The following LRRC4C variants were observed in gnomAD, a reference collection of about 807,000 sequenced individuals.
The protein encoded by LRRC4C is leucine-rich repeat-containing protein 4C.
LRRC4C carries 5 observed loss-of-function variants against 33.6 expected under a neutral mutation model. That is an observed-to-expected ratio of 0.15 (90% CI 0.08 to 0.31). The LOEUF (loss-of-function observed/expected upper bound fraction) is 0.31. LRRC4C is among the 10% of genes least tolerant of loss of function. The pLI is 1.00. For synonymous variants in LRRC4C, 329 were observed against 302.0 expected, an observed-to-expected ratio of 1.09 and a Z score of -0.93; for missense variants, 560 against 796.7, an observed-to-expected ratio of 0.70 and a Z score of 3.58.
In LRRC4C at chr11:40,115,873, C is replaced by A. The variant is rs142752772; in HGVS notation, c.420G>T (p.Pro140=). The A allele has an allele frequency of 6.2e-7, 1 of 1,614,102 alleles. No individual in the cohort carries two copies. Among genetic ancestry groups the A allele is most frequent in the East Asian group, 2.2e-5 (1 of 44,860 alleles). The part of the protein sequence containing the change: ...ELFDNRLTTI[P]NGAFVYLSKL... ...TAGACAAGTATACAAAAGCTCCATT[C>A]GGGATGGTAGTAAGACGATTGTCAA... Residue 140 remains proline (P), a synonymous_variant, in exon 7 of 7, where the codon CCG becomes CCT. Coordinates refer to ENST00000528697, the MANE Select transcript of LRRC4C (RefSeq NM_001258419.2). This position sits in a 1 kb window ranked among gnomAD's most constrained non-coding sequence, Gnocchi z 6.7.
At chr11:41,407,952 T>C (rs1233546041) in intron 1 of LRRC4C, among the ~76,000 whole-genome samples, 2 of 152,164 alleles carry the variant, frequency 1.3e-5, no homozygotes, top group African/African-American at 4.8e-5. Context: ...TGCCTTGCCC[T>C]GGAGGTGCCT....
At chr11:40,862,909 G>A (rs1215126991) in intron 2 of LRRC4C, among the ~76,000 whole-genome samples, 2 of 152,198 alleles carry the variant, frequency 1.3e-5, no homozygotes, top group Non-Finnish European at 2.9e-5. Flanking sequence ...TTCACACATG[G>A]AGGAAGATCT....
At chr11:41,125,028 G>A (rs1812926380) in intron 1 of LRRC4C, among the ~76,000 whole-genome samples, 1 of 152,150 alleles carries the variant, frequency 6.6e-6, no homozygotes, top group Non-Finnish European at 1.5e-5. Flanking sequence ...TTTTCAGCCA[G>A]AATGTTTGAA....
chr11:40,877,739 C>T (rs1954976459), intron 2 of LRRC4C, among the ~76,000 whole-genome samples: 1 of 152,174 alleles, frequency 6.6e-6, no homozygotes, highest in African/African-American at 2.4e-5. Flanking sequence ...TTCAATATTG[C>T]TTCTGTTCTT....
intron 2 of LRRC4C, among the ~76,000 whole-genome samples, chr11:40,698,016 A>C (rs1178626482): frequency 1.3e-5 from 2 of 151,174 alleles, no homozygotes; most frequent in East Asian, 2.0e-4. Flanking sequence ...TACAGTGAGC[A>C]GAGATTGCAC....
rs551867231 is a variant in LRRC4C, at chr11:40,714,627, C to T, written c.-406-66349G>A. Among the ~76,000 whole-genome samples the T allele has an allele frequency of 2.0e-5, 3 of 152,290 alleles. No individual in the cohort carries two copies. The South Asian group carries it at 6.2e-4, about 32-fold the overall frequency. On this transcript the variant is annotated intron_variant, in intron 2 of 6. Coordinates refer to ENST00000528697, the MANE Select transcript of LRRC4C (RefSeq NM_001258419.2). Reference sequence around the variant, plus strand: ...AGAGCAAATAATCAAGAATGACCAACTGTCCCCAAAAAGAACAAATGTGTA... The same window carrying T: ...AGAGCAAATAATCAAGAATGACCAATTGTCCCCAAAAAGAACAAATGTGTA...
chr11:41,354,615 C>A (rs1952094301), intron 1 of LRRC4C, among the ~76,000 whole-genome samples: 1 of 151,734 alleles, frequency 6.6e-6, no homozygotes, highest in South Asian at 2.1e-4. Context: ...ATCACACTAC[C>A]CAACTTGAAA....
intron 2 of LRRC4C, among the ~76,000 whole-genome samples, chr11:40,713,055 ATT>A (rs34787819): frequency 1.7e-3 from 237 of 136,834 alleles, no homozygotes; most frequent in Middle Eastern, 7.8e-3. Context: ...TGCCTGGCTA[ATT>A]TTTTTTTTTT....
At chr11:41,408,755 A>AAAAAAAAAAAAAAAAAC (rs1191106845) in intron 1 of LRRC4C, among the ~76,000 whole-genome samples, 4 of 148,014 alleles carry the variant, frequency 2.7e-5, no homozygotes, top group African/African-American at 1.1e-4. Flanking sequence ...TGTAAAAAAA[A>AAAAAAAAAAAAAAAAAC]AAAAAAAAAA....
rs889392189 is a variant in LRRC4C, at chr11:41,144,548, C to CAT, written c.-495-210827_-495-210826dup. On this transcript the variant is annotated intron_variant, in intron 1 of 6. Coordinates refer to ENST00000528697, the MANE Select transcript of LRRC4C (RefSeq NM_001258419.2). ...TTATCTCTCAAGGCTTTTCAACACACATATATATATATGCATTCAGATGCT... is the reference window on the plus strand; with the variant it reads ...TTATCTCTCAAGGCTTTTCAACACACATATATATATATATGCATTCAGATGCT... Among the ~76,000 whole-genome samples, 100 of 151,786 alleles carry CAT rather than the reference C, an allele frequency of 6.6e-4. 1 individual carries two copies. Among genetic ancestry groups the CAT allele is most frequent in the East Asian group, 2.1e-3 (11 of 5,180 alleles).
intron 3 of LRRC4C, among the ~76,000 whole-genome samples, chr11:40,586,259 G>C (rs1032805597): frequency 6.6e-6 from 1 of 151,870 alleles, no homozygotes; most frequent in Non-Finnish European, 1.5e-5. Context: ...TTTTTTGGCT[G>C]CATAAATGTC....
Position 41,032,460 on chromosome 11 carries a change from G to T in LRRC4C, c.-495-98737C>A, listed in dbSNP as rs182600435. Among the ~76,000 whole-genome samples, 525 of 151,032 alleles carry T rather than the reference G, an allele frequency of 3.5e-3. 20 individuals carry two copies. Among genetic ancestry groups the T allele is most frequent in the Admixed American group, 0.033 (491 of 15,100 alleles). ...GATAAAACTTTCAACTGTGTGTGTGGTTTTTTTTTAGATCTATTGTTTTAA... is the reference window on the plus strand; with the variant it reads ...GATAAAACTTTCAACTGTGTGTGTGTTTTTTTTTTAGATCTATTGTTTTAA... On this transcript the variant is annotated intron_variant, in intron 1 of 6. Transcript: ENST00000528697.
chr11:40,528,562 G>A (rs574090715), intron 3 of LRRC4C, among the ~76,000 whole-genome samples: 52 of 151,972 alleles, frequency 3.4e-4, no homozygotes, highest in Middle Eastern at 3.4e-3. Flanking sequence ...TAATGCAGCC[G>A]CTGTGGAAAA....
At chr11:40,199,412 G>A (rs561007841) in intron 5 of LRRC4C, among the ~76,000 whole-genome samples, 23 of 152,276 alleles carry the variant, frequency 1.5e-4, no homozygotes, top group African/African-American at 5.5e-4. Context: ...GGAAGGAGGG[G>A]TCCCAATTAC....
intron 3 of LRRC4C, among the ~76,000 whole-genome samples, chr11:40,391,285 C>G (rs1011109969): frequency 2.0e-5 from 3 of 152,132 alleles, no homozygotes; most frequent in Non-Finnish European, 4.4e-5. Flanking sequence ...AATGCATGAA[C>G]AAATGACAAA....
intron 1 of LRRC4C, among the ~76,000 whole-genome samples, chr11:41,173,210 A>C (rs1477670338): frequency 6.6e-6 from 1 of 152,142 alleles, no homozygotes; most frequent in African/African-American, 2.4e-5. Context: ...ATTAATTATA[A>C]AGAGGCTTCT....
chr11:41,397,210 C>T (rs1042368508), intron 1 of LRRC4C, among the ~76,000 whole-genome samples: 2 of 151,916 alleles, frequency 1.3e-5, no homozygotes, highest in Non-Finnish European at 2.9e-5. Context: ...TCCACTTATA[C>T]ACAAAGTTTT....
chr11:40,174,920 T>C (rs940126124), intron 5 of LRRC4C, among the ~76,000 whole-genome samples: 4 of 152,204 alleles, frequency 2.6e-5, no homozygotes, highest in Non-Finnish European at 5.9e-5. Context: ...TATTCTGTGA[T>C]AGAAATGGTG....
chr11:40,917,309 C>CT (rs1411929411), intron 2 of LRRC4C, among the ~76,000 whole-genome samples: 1 of 152,016 alleles, frequency 6.6e-6, no homozygotes, highest in Non-Finnish European at 1.5e-5. Flanking sequence ...TCCTGGGTAA[C>CT]TTCTTAGAAG....
Sources: allele counts gnomAD v4.1 joint callset (sites outside exome capture counted in the v4.1 genomes callset), GRCh38; gene constraint gnomAD v4.1.1; non-coding constraint Gnocchi (gnomAD v3.1); transcripts MANE v1.5; gene names NCBI Gene and HGNC (gene_info 2026-07-23, HGNC 2026-07-21).